The following SHROOM4 variants were observed in gnomAD, a reference collection of about 807,000 sequenced individuals.
SHROOM4 encodes protein Shroom4.
In SHROOM4, 17 loss-of-function variants were observed where a neutral mutation model predicts 80.3. The observed-to-expected ratio is 0.21, with a 90% CI of 0.14 to 0.32. SHROOM4 has a LOEUF of 0.32. Ranked by LOEUF, SHROOM4 falls within the 10% of genes least tolerant of loss-of-function variation. The probability of loss-of-function intolerance (pLI) is 1.00; values close to 1 mark genes in which losing one functional copy is unlikely to be tolerated. For synonymous variants in SHROOM4, 400 were observed against 437.5 expected (o/e 0.91, Z 1.07); for missense variants, 993 against 1,140.3 (o/e 0.87, Z 1.86).
intron 2 of SHROOM4, among the ~76,000 whole-genome samples, chrX:50,638,562 A>G (rs1215694139): frequency 8.9e-6 from 1 of 112,390 alleles, no homozygotes; most frequent in Non-Finnish European, 1.9e-5. Context: ...TGCTGGACAC[A>G]TAGTAGATGT....
At chrX:50,602,457 G>C (rs1204852094) in intron 7 of SHROOM4, among the ~76,000 whole-genome samples, 176 bp downstream of exon 7, 1 of 111,153 alleles carries the variant, frequency 9.0e-6, no homozygotes. Context: ...TATTATTATT[G>C]ACTGGATCAA....
At chrX:50,707,015 C>T (rs1433742426) in intron 1 of SHROOM4, among the ~76,000 whole-genome samples, 1 of 112,001 alleles carries the variant, frequency 8.9e-6, no homozygotes, top group Non-Finnish European at 1.9e-5. Context: ...TCTGGGAATT[C>T]AAAGTAACAT....
In SHROOM4 at chrX:50,681,011, C is replaced by G. The variant is rs1178566561; in HGVS notation, c.269+14775G>C. Among the ~76,000 whole-genome samples, 4 of 111,241 alleles carry G rather than the reference C, an allele frequency of 3.6e-5. No individual in the cohort carries two copies. In the East Asian group the frequency reaches 1.1e-3, roughly 32 times the overall value. ...CATTTAGTCCTTGCCTACCCATTCC[C>G]TACCACAGCCCTGCCCAATTCACAC... On this transcript the variant is annotated intron_variant, in intron 2 of 8. Coordinates refer to ENST00000376020, the MANE Select transcript of SHROOM4 (RefSeq NM_020717.5).
chrX:50,759,318 G>A (rs1487619685), intron 1 of SHROOM4, among the ~76,000 whole-genome samples: 1 of 111,756 alleles, frequency 8.9e-6, no homozygotes, highest in Non-Finnish European at 1.9e-5. Context: ...TTGAAAAGGT[G>A]AGCCACCTGC....
intron 1 of SHROOM4, among the ~76,000 whole-genome samples, chrX:50,758,361 C>T (rs1935081853): frequency 9.0e-6 from 1 of 111,691 alleles, no homozygotes; most frequent in Non-Finnish European, 1.9e-5. Context: ...TTTGTATATG[C>T]CCTTTATCAG....
chrX:50,677,737 C>T (rs1932871897), intron 2 of SHROOM4, among the ~76,000 whole-genome samples: 1 of 111,520 alleles, frequency 9.0e-6, no homozygotes, highest in Non-Finnish European at 1.9e-5. Flanking sequence ...GTTTATTCAT[C>T]AAATACTGTA....
At chrX:50,670,480 G>T (rs1557260727) in intron 2 of SHROOM4, among the ~76,000 whole-genome samples, 2 of 111,897 alleles carry the variant, frequency 1.8e-5, no homozygotes, top group African/African-American at 6.5e-5. Context: ...TGGTGTATAT[G>T]TGCCACATTT....
chrX:50,750,674 G>A (rs1485006139), intron 1 of SHROOM4, among the ~76,000 whole-genome samples: 2 of 112,058 alleles, frequency 1.8e-5, no homozygotes, highest in African/African-American at 6.5e-5. Context: ...TGCTTCTCCT[G>A]AAGCAGCCAA....
chrX:50,674,075 T>C (rs1359716744), intron 2 of SHROOM4, among the ~76,000 whole-genome samples: 1 of 109,996 alleles, frequency 9.1e-6, no homozygotes, highest in Non-Finnish European at 1.9e-5. Context: ...AAAAACCACA[T>C]AATGCTGAAA....
At chrX:50,799,448 T>C (rs1427660336) in intron 1 of SHROOM4, among the ~76,000 whole-genome samples, 1 of 111,514 alleles carries the variant, frequency 9.0e-6, no homozygotes, top group Non-Finnish European at 1.9e-5. Flanking sequence ...CATAACCTAA[T>C]TGACTGCCAC....
At chrX:50,773,173 C>T (rs912465173) in intron 1 of SHROOM4, among the ~76,000 whole-genome samples, 7 of 112,073 alleles carry the variant, frequency 6.2e-5, no homozygotes, top group Non-Finnish European at 1.1e-4. Context: ...ACTACCATTA[C>T]GAAAAATAAC....
intron 2 of SHROOM4, among the ~76,000 whole-genome samples, chrX:50,642,377 G>T (rs1931635803): frequency 8.9e-6 from 1 of 112,343 alleles, no homozygotes; most frequent in South Asian, 3.7e-4. Context: ...GAACACTGAA[G>T]ATGTGCCAGG....
chrX:50,754,016 A>C (rs1934981219), intron 1 of SHROOM4, among the ~76,000 whole-genome samples: 1 of 112,261 alleles, frequency 8.9e-6, no homozygotes, highest in South Asian at 3.7e-4. Context: ...CATAACGCTT[A>C]TCTCTGTACT....
intron 1 of SHROOM4, among the ~76,000 whole-genome samples, chrX:50,753,914 G>A (rs1557268213): frequency 9.0e-6 from 1 of 111,673 alleles, no homozygotes; most frequent in Non-Finnish European, 1.9e-5. Flanking sequence ...TGCAGCTTTG[G>A]GAAACCTACT....
chrX:50,620,262 A>G (rs1176183617), intron 5 of SHROOM4, among the ~76,000 whole-genome samples: 4 of 111,892 alleles, frequency 3.6e-5, no homozygotes, highest in Non-Finnish European at 7.5e-5. Context: ...TATGGCTACT[A>G]TCAGATTAGA....
At chrX:50,600,998 A>G (rs1031303434) in intron 7 of SHROOM4, among the ~76,000 whole-genome samples, 10 of 112,044 alleles carry the variant, frequency 8.9e-5, no homozygotes, top group Non-Finnish European at 1.9e-4. Flanking sequence ...AGCTCCAGGG[A>G]TAGATGGAAG....
intron 1 of SHROOM4, among the ~76,000 whole-genome samples, chrX:50,718,374 T>C (rs1324021470): frequency 9.0e-6 from 1 of 111,364 alleles, no homozygotes; most frequent in Non-Finnish European, 1.9e-5. Flanking sequence ...GCAGAATAGA[T>C]GCAGGTCAGT....
chrX:50,731,074 T>C (rs1304740141), intron 1 of SHROOM4, among the ~76,000 whole-genome samples: 1 of 111,221 alleles, frequency 9.0e-6, no homozygotes, highest in Admixed American at 9.6e-5. Context: ...AAATATATTA[T>C]TGGGAGATTG....
At chrX:50,724,801 T>C (rs1446459056) in intron 1 of SHROOM4, among the ~76,000 whole-genome samples, 2 of 112,166 alleles carry the variant, frequency 1.8e-5, no homozygotes, top group Non-Finnish European at 1.9e-5. Context: ...TTCTAGACAG[T>C]GTCTTTTAAA....
Sources: allele counts gnomAD v4.1 joint callset (sites outside exome capture counted in the v4.1 genomes callset), GRCh38; gene constraint gnomAD v4.1.1; transcripts MANE v1.5; gene names NCBI Gene and HGNC (gene_info 2026-07-23, HGNC 2026-07-21).